NEGR1: variants seen among roughly 807,000 people sequenced by gnomAD.
NEGR1 encodes the protein IgLON family member 4.
A neutral mutation model predicts 40.9 loss-of-function variants in NEGR1; 10 were observed. That is an observed-to-expected ratio of 0.24 (90% CI 0.15 to 0.42). The LOEUF (loss-of-function observed/expected upper bound fraction) is 0.42, where lower values mean the gene tolerates loss of function less well. NEGR1 is among the 10% of genes least tolerant of loss of function. NEGR1 has a pLI of 1.00. For synonymous variants in NEGR1, 185 were observed against 166.8 expected (o/e 1.11, Z -0.84); for missense variants, 352 against 438.9 (o/e 0.80, Z 1.77).
chr1:71,681,498 C>CT (rs2101610647), intron 4 of NEGR1, among the ~76,000 whole-genome samples: 1 of 152,140 alleles, frequency 6.6e-6, no homozygotes, highest in South Asian at 2.1e-4. Flanking sequence ...TACAGGTGAT[C>CT]TTTTTTTATT....
intron 6 of NEGR1, among the ~76,000 whole-genome samples, chr1:71,554,557 G>T (rs1648191355): frequency 6.6e-6 from 1 of 151,254 alleles, no homozygotes; most frequent in African/African-American, 2.4e-5. Flanking sequence ...CTTATATTGG[G>T]ATTTCTCACC....
intron 4 of NEGR1, among the ~76,000 whole-genome samples, chr1:71,672,662 G>A (rs1294261959): frequency 2.6e-5 from 4 of 152,142 alleles, no homozygotes; most frequent in African/African-American, 9.7e-5. Flanking sequence ...CTCAATGTTT[G>A]CCAAACTTAA....
In NEGR1 at chr1:71,688,739, T is replaced by A. The variant is rs1653150003; in HGVS notation, c.667+9269A>T. On this transcript the variant is annotated intron_variant, in intron 4 of 6. Transcript: ENST00000357731. ...CCCAAGAGTTTCCCTTTTTAAAGAG[T>A]TCACAGGCTACAGAGGAAGGTTGAC... is the stretch of plus-strand genomic sequence containing the variant. Among the ~76,000 whole-genome samples, 3 of 152,156 alleles carry A rather than the reference T, an allele frequency of 2.0e-5. No homozygotes were observed. The South Asian group carries it at 6.2e-4, about 32-fold the overall frequency.
chr1:72,172,403 C>T (rs1265899935), intron 1 of NEGR1, among the ~76,000 whole-genome samples: 1 of 152,010 alleles, frequency 6.6e-6, no homozygotes, highest in Non-Finnish European at 1.5e-5. Flanking sequence ...CTTTTAAAAA[C>T]TTCATATCCA....
intron 3 of NEGR1, among the ~76,000 whole-genome samples, chr1:71,705,795 G>A (rs760250077): frequency 4.0e-5 from 6 of 148,640 alleles, no homozygotes; most frequent in Admixed American, 1.3e-4. Context: ...GAAAGGAAAA[G>A]AAAAGAAAAG....
intron 4 of NEGR1, among the ~76,000 whole-genome samples, chr1:71,688,446 A>AAAAGATATATATATATAT (rs1557613934): frequency 2.7e-5 from 1 of 37,256 alleles, no homozygotes; most frequent in African/African-American, 1.2e-4. Context: ...TATATATATA[A>AAAAGATATATATATATAT]AAGATATGTA....
At chr1:71,552,800 T>C (rs1648130756) in intron 6 of NEGR1, among the ~76,000 whole-genome samples, 1 of 151,450 alleles carries the variant, frequency 6.6e-6, no homozygotes, top group Admixed American at 6.6e-5. Flanking sequence ...ACTCTGTTTT[T>C]TCTTGGACTA....
intron 6 of NEGR1, among the ~76,000 whole-genome samples, chr1:71,551,435 C>T (rs1468632943): frequency 6.6e-6 from 1 of 151,516 alleles, no homozygotes; most frequent in Non-Finnish European, 1.5e-5. Flanking sequence ...TGAATATGTA[C>T]ACAAAAAATT....
intron 6 of NEGR1, among the ~76,000 whole-genome samples, chr1:71,423,822 CA>C (rs1417289139): frequency 8.1e-5 from 12 of 147,342 alleles, no homozygotes; most frequent in African/African-American, 3.1e-4. Context: ...CCTCCTCACC[CA>C]CCCCCCCTTT....
rs1646209102 is a variant in NEGR1, at chr1:71,396,003, A to C, written c.*11443T>G. The C allele has an allele frequency of 6.6e-6, 1 of 152,194 alleles. No individual in the cohort carries two copies. Among genetic ancestry groups the C allele is most frequent in the Non-Finnish European group, 1.5e-5 (1 of 68,024 alleles). The allele number at this position is 152,194 out of a possible 1,614,324, so 9.4% of individuals were successfully genotyped here. A position where few individuals can be genotyped will look rare whatever the true frequency, so the allele number is the denominator to read the frequency against. On this transcript the variant is annotated 3_prime_UTR_variant, in exon 7 of 7. Coordinates refer to ENST00000357731, the MANE Select transcript of NEGR1 (RefSeq NM_173808.3). ...TAATATGTACTAATTGTAAATGTGG[A>C]AACTGAAGCCCCATTCCAGAGAAGA...
intron 2 of NEGR1, among the ~76,000 whole-genome samples, chr1:71,880,599 A>G (rs1660557282): frequency 6.6e-6 from 1 of 152,034 alleles, no homozygotes; most frequent in Non-Finnish European, 1.5e-5. Context: ...TTCAACATAG[A>G]TAGAAAACCT....
chr1:71,944,201 C>T (rs888339017), intron 1 of NEGR1, among the ~76,000 whole-genome samples: 1 of 152,190 alleles, frequency 6.6e-6, no homozygotes, highest in Non-Finnish European at 1.5e-5. Context: ...TACTGTCTCC[C>T]TGGCAGCTGC....
chr1:71,634,420 G>A (rs977354496), intron 4 of NEGR1, among the ~76,000 whole-genome samples: 14 of 152,052 alleles, frequency 9.2e-5, no homozygotes, highest in African/African-American at 2.9e-4. Flanking sequence ...TTAATGTGTA[G>A]GCTGCTGATG....
chr1:72,018,322 G>A (rs1293882094), intron 1 of NEGR1, among the ~76,000 whole-genome samples: 6 of 152,146 alleles, frequency 3.9e-5, no homozygotes, highest in South Asian at 2.1e-4. Context: ...CTATTGAGTG[G>A]AGAAAGAAAC....
intron 6 of NEGR1, among the ~76,000 whole-genome samples, chr1:71,487,461 T>C (rs1244865070): frequency 6.6e-6 from 1 of 151,696 alleles, no homozygotes; most frequent in Non-Finnish European, 1.5e-5. Flanking sequence ...TTCATGCCTT[T>C]TACACATTGT....
chr1:72,227,159 G>C (rs750861217), intron 1 of NEGR1, among the ~76,000 whole-genome samples: 1 of 151,952 alleles, frequency 6.6e-6, no homozygotes, highest in African/African-American at 2.4e-5. Context: ...TAATTTTCTT[G>C]GAACTCAGTT....
At chr1:71,870,848 A>G (rs1462934035) in intron 2 of NEGR1, among the ~76,000 whole-genome samples, 1 of 152,206 alleles carries the variant, frequency 6.6e-6, no homozygotes, top group Non-Finnish European at 1.5e-5. Flanking sequence ...TGAAGGGGTG[A>G]ATGTTCAAAA....
At chr1:72,260,699 G>T in intron 1 of NEGR1, among the ~76,000 whole-genome samples, 1 of 152,144 alleles carries the variant, frequency 6.6e-6, no homozygotes, top group African/African-American at 2.4e-5. Flanking sequence ...TTTCTAAATA[G>T]TTGCTCAAAT....
intron 3 of NEGR1, chr1:71,703,115 T>G (rs533822731): frequency 6.6e-6 from 1 of 151,708 alleles, no homozygotes; most frequent in East Asian, 1.9e-4. Context: ...ATTTGTAAGA[T>G]AGACAATTTC....
Sources: allele counts gnomAD v4.1 joint callset (sites outside exome capture counted in the v4.1 genomes callset), GRCh38; gene constraint gnomAD v4.1.1; transcripts MANE v1.5; gene names NCBI Gene and HGNC (gene_info 2026-07-23, HGNC 2026-07-21).